The following ABCC4 variants were observed in gnomAD, a reference collection of about 807,000 sequenced individuals.
ABCC4 encodes the protein ATP-binding cassette sub-family C member 4.
In ABCC4, 102 loss-of-function variants were observed where a neutral mutation model predicts 168.5. That is an observed-to-expected ratio of 0.61 (90% CI 0.52 to 0.71). The LOEUF (loss-of-function observed/expected upper bound fraction) is 0.71, where lower values mean the gene tolerates loss of function less well. Ranked by LOEUF, ABCC4 falls within the 30% of genes least tolerant of loss-of-function variation. The probability of loss-of-function intolerance (pLI) is 0.00; values close to 1 mark genes in which losing one functional copy is unlikely to be tolerated. For synonymous variants in ABCC4, 617 were observed against 590.7 expected (o/e 1.04, Z -0.65); for missense variants, 1,402 against 1,605.8 (o/e 0.87, Z 2.17).
chr13:95,095,255 C>T (rs1033902004), intron 20 of ABCC4, among the ~76,000 whole-genome samples: 1 of 152,084 alleles, frequency 6.6e-6, no homozygotes, highest in African/African-American at 2.4e-5. Flanking sequence ...AAATGCCCAT[C>T]AATCAATGAG....
At chr13:95,189,124 C>CTT (rs61449462) in intron 9 of ABCC4, among the ~76,000 whole-genome samples, 68 of 67,288 alleles carry the variant, frequency 1.0e-3, no homozygotes, top group Non-Finnish European at 9.8e-4. Flanking sequence ...AAACAATATT[C>CTT]TTTTTTTTTT....
intron 8 of ABCC4, among the ~76,000 whole-genome samples, chr13:95,198,233 G>C (rs2038517604): frequency 6.6e-6 from 1 of 151,832 alleles, no homozygotes; most frequent in Non-Finnish European, 1.5e-5. Context: ...CTAACATCCA[G>C]AATCTACAAG....
intron 19 of ABCC4, among the ~76,000 whole-genome samples, chr13:95,145,776 G>T (rs1022007551): frequency 2.0e-5 from 3 of 152,158 alleles, no homozygotes; most frequent in Non-Finnish European, 4.4e-5. Context: ...CCATAGAAAA[G>T]AACAAACTTA....
intron 4 of ABCC4, among the ~76,000 whole-genome samples, chr13:95,218,633 CAT>C: frequency 6.6e-6 from 1 of 152,162 alleles, no homozygotes; most frequent in Non-Finnish European, 1.5e-5. Flanking sequence ...GGCAAGATCA[CAT>C]GAGCCCAGGA....
At chr13:95,260,124 C>T (rs1201258865) in intron 1 of ABCC4, among the ~76,000 whole-genome samples, 2 of 152,152 alleles carry the variant, frequency 1.3e-5, no homozygotes, top group Admixed American at 1.3e-4. Context: ...CCAGGTGATG[C>T]GGATGCAGGT....
intron 3 of ABCC4, among the ~76,000 whole-genome samples, chr13:95,245,213 T>A (rs1233357614): frequency 6.6e-6 from 1 of 152,122 alleles, no homozygotes; most frequent in Non-Finnish European, 1.5e-5. Flanking sequence ...TTCTAAATCA[T>A]CCTGTTTTCA....
chr13:95,202,980 C>T (rs1383271355), intron 8 of ABCC4, among the ~76,000 whole-genome samples: 2 of 152,036 alleles, frequency 1.3e-5, no homozygotes, highest in South Asian at 2.1e-4. Flanking sequence ...GACAGATTGA[C>T]GGCCTGGGCT....
At chr13:95,101,378 G>A in intron 20 of ABCC4, among the ~76,000 whole-genome samples, 1 of 151,656 alleles carries the variant, frequency 6.6e-6, no homozygotes, top group East Asian at 1.9e-4. Flanking sequence ...TTAGATGAGG[G>A]GTGTGTAGGG....
intron 20 of ABCC4, among the ~76,000 whole-genome samples, chr13:95,086,092 T>TGC (rs1172114519): frequency 6.6e-6 from 1 of 151,242 alleles, no homozygotes; most frequent in African/African-American, 2.4e-5. Context: ...GGTTATTGTG[T>TGC]GTGTGTGTGT....
chr13:95,116,256 C>T (rs965959656), intron 19 of ABCC4, among the ~76,000 whole-genome samples: 6 of 152,108 alleles, frequency 3.9e-5, no homozygotes, highest in African/African-American at 1.4e-4. Flanking sequence ...GGAAAAAAAT[C>T]TTGTGACAGT....
chr13:95,276,111 A>G (rs984643562), intron 1 of ABCC4, among the ~76,000 whole-genome samples: 7 of 152,178 alleles, frequency 4.6e-5, no homozygotes, highest in African/African-American at 1.7e-4. Flanking sequence ...ATCTCAGGGC[A>G]CTTTTTAAAA....
intron 19 of ABCC4, among the ~76,000 whole-genome samples, chr13:95,136,281 A>G (rs72642400): frequency 0.045 from 6,785 of 152,062 alleles, 220 homozygotes; most frequent in Middle Eastern, 0.13. Flanking sequence ...TAGCCTCCCA[A>G]GTAGCTGGGA....
intron 20 of ABCC4, among the ~76,000 whole-genome samples, chr13:95,107,855 T>C (rs1751060): frequency 0.94 from 143,711 of 152,244 alleles, 67,953 homozygotes; most frequent in African/African-American, 0.97. Flanking sequence ...GGGAGAATTG[T>C]TTGAAGCTGG....
chr13:95,225,968 TAA>T (rs11414379), intron 4 of ABCC4, among the ~76,000 whole-genome samples: 50 of 117,776 alleles, frequency 4.2e-4, no homozygotes, highest in African/African-American at 1.5e-3. Flanking sequence ...CATCTCCACT[TAA>T]AAAAAAAAAA....
At chr13:95,099,578 G>A (rs1233386476) in intron 20 of ABCC4, among the ~76,000 whole-genome samples, 1 of 152,160 alleles carries the variant, frequency 6.6e-6, no homozygotes, top group Non-Finnish European at 1.5e-5. Context: ...GTTGGGCAGT[G>A]TATCAATACA....
At chr13:95,110,985 G>GAAAAAAAAAAAAAAAAAC (rs35464540) in intron 20 of ABCC4, among the ~76,000 whole-genome samples, 1 of 123,294 alleles carries the variant, frequency 8.1e-6, no homozygotes, top group Non-Finnish European at 1.7e-5. Context: ...AAAAAAGAAA[G>GAAAAAAAAAAAAAAAAAC]AAAAAAAAAA....
Position 95,170,621 on chromosome 13 carries a change from A to C in ABCC4, c.1735T>G (p.Cys579Gly), listed in dbSNP as rs568068420. 46 of 1,606,302 alleles carry C rather than the reference A, an allele frequency of 2.9e-5. No homozygotes were observed. The South Asian group carries it at 4.6e-4, about 16-fold the overall frequency. ...GTGATCTTCTCATGCAAAATTTGAC[A>C]AATACACCTATAAATGTAAAAGGCA... ...VSRHLFELCI[C>G]QILHEKITIL... Residue 579 changes from cysteine (C) to glycine (G), a missense_variant, in exon 14 of 31, where the codon TGT (cysteine) becomes GGT (glycine). Cys to Gly is a radical substitution (Grantham distance 159, BLOSUM62 -3). Around this residue, in one of 3 missense-constraint regions of ABCC4, gnomAD observed 1,007 missense variants for 1,127.3 expected, o/e 0.89. Transcript: ENST00000645237.
chr13:95,110,199 C>G (rs989597499), intron 20 of ABCC4, among the ~76,000 whole-genome samples: 9 of 151,478 alleles, frequency 5.9e-5, no homozygotes, highest in African/African-American at 1.9e-4. Context: ...ATCTCAGCTA[C>G]TCGGGAGGCG....
intron 29 of ABCC4, chr13:95,043,401 T>C (rs2032443133): frequency 2.7e-6 from 1 of 366,088 alleles, no homozygotes; most frequent in East Asian, 4.4e-5. Context: ...CTCCGTAGTA[T>C]GACAGTTAGC....
Sources: gnomAD v4.1 joint callset for allele counts (sites outside exome capture counted in the v4.1 genomes callset) on GRCh38, gnomAD v4.1.1 for gene constraint, gnomAD v4.1.1 regional missense constraint, MANE v1.5 for transcripts, NCBI Gene and HGNC (gene_info 2026-07-23, HGNC 2026-07-21) for gene names.